ADARB2: variants seen among roughly 807,000 people sequenced by gnomAD.
The protein encoded by ADARB2 is adenosine deaminase RNA specific B2 (inactive), also known as inactive double-stranded RNA-specific editase B2.
A neutral mutation model predicts 62.2 loss-of-function variants in ADARB2; 25 were observed. That is an observed-to-expected ratio of 0.40 (90% CI 0.29 to 0.56). ADARB2 has a LOEUF of 0.56. Among genes scored for constraint, ADARB2 ranks in the 20% least tolerant of loss-of-function variants. The pLI is 0.43. For synonymous variants in ADARB2, 572 were observed against 500.8 expected (o/e 1.14, Z -1.90); for missense variants, 1,071 against 1,077.4 (o/e 0.99, Z 0.08).
At position 1,460,723 on chromosome 10, in the gene ADARB2, T is replaced by C. The variant is rs1279118431; in HGVS notation, c.101-81563A>G. Among the ~76,000 whole-genome samples the C allele has an allele frequency of 4.9e-4, 46 of 94,056 alleles. 5 individuals are homozygous for C. The highest frequency in any genetic ancestry group is 4.5e-3 in the South Asian group (14 of 3,092). 61.7% of individuals were successfully genotyped at this position (94,056 alleles called of 152,430 possible). On this transcript the variant is annotated intron_variant, in intron 1 of 9. Transcript: ENST00000381312. ...CCTGCCTGTGACCTGAATTTACCTG[T>C]GTAGCAAACCTGCCTGTGACCTGAG...
At chr10:1,498,496 G>A in intron 1 of ADARB2, among the ~76,000 whole-genome samples, 1 of 151,848 alleles carries the variant, frequency 6.6e-6, no homozygotes, top group Admixed American at 6.6e-5. Context: ...CTATGACCAG[G>A]TAATCTCACT....
At chr10:1,380,092 G>A (rs540900910) in intron 1 of ADARB2, among the ~76,000 whole-genome samples, 1 of 152,334 alleles carries the variant, frequency 6.6e-6, no homozygotes, top group Admixed American at 6.5e-5. Flanking sequence ...TCACACGGCA[G>A]AACTCACTGC....
intron 3 of ADARB2, among the ~76,000 whole-genome samples, chr10:1,327,521 G>A (rs1233826188): frequency 4.7e-5 from 1 of 21,310 alleles, no homozygotes; most frequent in Non-Finnish European, 8.3e-5. Flanking sequence ...GCCTCCCCAT[G>A]GCACAGCGCC....
intron 1 of ADARB2, chr10:1,678,313 G>A (rs1834493911): frequency 1.0e-6 from 1 of 985,262 alleles, no homozygotes; most frequent in Non-Finnish European, 1.2e-6. Context: ...CTCAGGGTGA[G>A]CGTCTTCAGG....
At position 1,625,894 on chromosome 10, in the gene ADARB2, C is replaced by CGCCTCTGCCTGACCGCCCCACTTCTCAT. The variant is rs1391952762; in HGVS notation, c.100+111156_100+111157insATGAGAAGTGGGGCGGTCAGGCAGAGGC. ...ACCTGCCTGGCTGCCCCACTTCTCA[C>CGCCTCTGCCTGACCGCCCCACTTCTCAT]GCCTCTGCCTGACCCTGCGCTCTCT... On this transcript the variant is annotated intron_variant, in intron 1 of 9. Transcript: ENST00000381312. Among the ~76,000 whole-genome samples, 525 of 152,232 alleles carry CGCCTCTGCCTGACCGCCCCACTTCTCAT rather than the reference C, an allele frequency of 3.4e-3. 5 individuals carry two copies. Among genetic ancestry groups the CGCCTCTGCCTGACCGCCCCACTTCTCAT allele is most frequent in the African/African-American group, 0.012 (508 of 41,500 alleles).
rs1400554143 is a variant in ADARB2, at chr10:1,585,199, C to T, written c.100+151852G>A. 2.0e-5 allele frequency among the ~76,000 whole-genome samples: 3 copies of T among 152,148 alleles called. No individual in the cohort carries two copies. The East Asian group carries it at 5.8e-4, about 29-fold the overall frequency. On this transcript the variant is annotated intron_variant, in intron 1 of 9. Transcript: ENST00000381312. Reference sequence around the variant, plus strand: ...TGGGCAGTGCGGACAGTGGGGGAGGCTGCGACTATACTGGGGACAGGGGCA... The same window carrying T: ...TGGGCAGTGCGGACAGTGGGGGAGGTTGCGACTATACTGGGGACAGGGGCA...
At position 1,675,849 on chromosome 10, in the gene ADARB2, C is replaced by T. The variant is rs183316649; in HGVS notation, c.100+61202G>A. ...AGTGAAGGGAAGCCGTGTCTCTGAT[C>T]CCTGCAGGAGGGCAGAGGCCAGCCT... On this transcript the variant is annotated intron_variant, in intron 1 of 9. Transcript: ENST00000381312. The T allele has an allele frequency of 1.8e-4, 135 of 741,756 alleles. No individual in the cohort carries two copies. The African/African-American group carries it at 2.5e-3, about 14-fold the overall frequency. The allele number at this position is 741,756 out of a possible 1,614,324, so 45.9% of individuals were successfully genotyped here. A position where few individuals can be genotyped will look rare whatever the true frequency, so the allele number is the denominator to read the frequency against.
chr10:1,342,524 TCTC>T lies in ADARB2; in HGVS notation c.1077+20501_1077+20503del, dbSNP rs549885320. On this transcript the variant is annotated intron_variant, in intron 3 of 9. Transcript: ENST00000381312. ...GCTTTGGGAAGCCAGTCTTTCCCTCTCTCCTCCTCTTGGAGATCGCAGACCCAT... is the reference window on the plus strand; with the variant it reads ...GCTTTGGGAAGCCAGTCTTTCCCTCTCTCCTCTTGGAGATCGCAGACCCAT... Among the ~76,000 whole-genome samples, 136 of 152,280 alleles carry T rather than the reference TCTC, an allele frequency of 8.9e-4. 1 individual carries two copies. The highest frequency in any genetic ancestry group is 7.1e-3 in the South Asian group (34 of 4,818).
chr10:1,582,054 T>G (rs1833110438), intron 1 of ADARB2, among the ~76,000 whole-genome samples: 1 of 152,214 alleles, frequency 6.6e-6, no homozygotes, highest in Non-Finnish European at 1.5e-5. Flanking sequence ...CGAGCAGACC[T>G]TCTTAATCTA....
chr10:1,459,057 T>C (rs1377045572), intron 1 of ADARB2, among the ~76,000 whole-genome samples: 2 of 151,898 alleles, frequency 1.3e-5, no homozygotes, highest in African/African-American at 4.8e-5. Flanking sequence ...GCTGGTGAGG[T>C]TGTGGAGAAA....
intron 1 of ADARB2, among the ~76,000 whole-genome samples, chr10:1,563,354 GA>G (rs1334675291): frequency 7.2e-5 from 11 of 152,200 alleles, no homozygotes; most frequent in Non-Finnish European, 1.5e-4. Context: ...CCTATGGTGA[GA>G]ACGTGGTTGC....
At chr10:1,347,445 G>A (rs1363890381) in intron 3 of ADARB2, among the ~76,000 whole-genome samples, 2 of 152,220 alleles carry the variant, frequency 1.3e-5, no homozygotes, top group African/African-American at 2.4e-5. Context: ...CAGGGCACGG[G>A]TACTTGGCAC....
chr10:1,258,094 T>C (rs1377007678), intron 4 of ADARB2, among the ~76,000 whole-genome samples: 3 of 152,110 alleles, frequency 2.0e-5, no homozygotes, highest in African/African-American at 7.2e-5. Context: ...CTTTCTTCCT[T>C]CTCCTTCCCT....
At chr10:1,460,771 CTGTGACCTGAGTTTACCTGTG>C (rs1052984119) in intron 1 of ADARB2, among the ~76,000 whole-genome samples, 3 of 117,550 alleles carry the variant, frequency 2.6e-5, no homozygotes, top group Admixed American at 8.1e-5. Flanking sequence ...ACAAACCTGC[CTGTGACCTGAGTTTACCTGTG>C]TAGCAAACCT....
At chr10:1,672,309 G>T (rs1207886856) in intron 1 of ADARB2, among the ~76,000 whole-genome samples, 4 of 152,106 alleles carry the variant, frequency 2.6e-5, no homozygotes, top group African/African-American at 4.8e-5. Flanking sequence ...CTGGGGTGTC[G>T]AGCACCTTGG....
At chr10:1,472,335 GGGT>G in intron 1 of ADARB2, among the ~76,000 whole-genome samples, 2 of 152,200 alleles carry the variant, frequency 1.3e-5, no homozygotes, top group African/African-American at 2.4e-5. Flanking sequence ...TGCGGCTCAG[GGGT>G]CAGCCAGGTG....
rs1834856535 is a variant in ADARB2 at position 1,704,038 on chromosome 10, G to A, written c.100+33013C>T. On this transcript the variant is annotated intron_variant, in intron 1 of 9. Transcript: ENST00000381312. The surrounding 1 kb of genome is among the most constrained non-coding windows in gnomAD (Gnocchi z 5.6). ...TGCTTTGTGACAAGTTACCTCAAGA[G>A]TTAGTATCTTAAAAGAACAAACACT... 6.6e-6 allele frequency among the ~76,000 whole-genome samples: 1 copy of A among 152,182 alleles called. No homozygotes were observed.
At chr10:1,375,913 T>C (rs1237443889) in intron 2 of ADARB2, among the ~76,000 whole-genome samples, 4 of 135,472 alleles carry the variant, frequency 3.0e-5, no homozygotes, top group African/African-American at 1.2e-4. Flanking sequence ...CATACCACAC[T>C]TGCCACACAT....
chr10:1,321,277 G>C (rs776435518), intron 3 of ADARB2, among the ~76,000 whole-genome samples: 6 of 152,158 alleles, frequency 3.9e-5, no homozygotes, highest in Non-Finnish European at 7.3e-5. Context: ...CCATGATGTT[G>C]TCCTCATCCG....
Sources: allele counts gnomAD v4.1 joint callset (sites outside exome capture counted in the v4.1 genomes callset), GRCh38; gene constraint gnomAD v4.1.1; non-coding constraint Gnocchi (gnomAD v3.1); transcripts MANE v1.5; gene names NCBI Gene and HGNC (gene_info 2026-07-23, HGNC 2026-07-21).